Variants in GMDS observed in about 807,000 individuals in gnomAD.
GMDS encodes GDP-mannose 4,6-dehydratase, also known as GDP-mannose 4,6 dehydratase.
GMDS carries 20 observed loss-of-function variants against 49.9 expected under a neutral mutation model. The observed-to-expected ratio is 0.40, with a 90% confidence interval of 0.28 to 0.58. The LOEUF (loss-of-function observed/expected upper bound fraction) is 0.58, where lower values mean the gene tolerates loss of function less well. Among genes scored for constraint, GMDS ranks in the 20% least tolerant of loss-of-function variants. The pLI is 0.42. For synonymous variants in GMDS, 177 were observed against 178.6 expected, an observed-to-expected ratio of 0.99 and a Z score of 0.07; for missense variants, 362 against 481.4, an observed-to-expected ratio of 0.75 and a Z score of 2.32.
chr6:2,117,614 T>G, intron 2 of GMDS, 58 bp from the exon 3 acceptor site: 1 of 848,986 alleles, frequency 1.2e-6, no homozygotes, highest in South Asian at 1.4e-5. Flanking sequence ...AACAACTTCT[T>G]TAGCTAATGT....
chr6:1,825,821 G>A (rs1278001170), intron 7 of GMDS, among the ~76,000 whole-genome samples: 4 of 152,060 alleles, frequency 2.6e-5, no homozygotes, highest in South Asian at 2.1e-4. Flanking sequence ...CAGACCAGCC[G>A]CCTGGCAGAC....
chr6:1,659,942 G>C (rs1195318494), intron 9 of GMDS, among the ~76,000 whole-genome samples: 1 of 151,388 alleles, frequency 6.6e-6, no homozygotes, highest in Admixed American at 6.6e-5. Flanking sequence ...CCAGAAAAAG[G>C]AAGTCCTTTT....
chr6:2,165,288 C>G (rs1430163015), intron 1 of GMDS, among the ~76,000 whole-genome samples: 1 of 152,202 alleles, frequency 6.6e-6, no homozygotes, highest in Non-Finnish European at 1.5e-5. Context: ...GATCTGCAGT[C>G]CACACGCTGA....
chr6:2,049,729 C>CA (rs1770263288), intron 4 of GMDS, among the ~76,000 whole-genome samples: 1 of 152,146 alleles, frequency 6.6e-6, no homozygotes, highest in African/African-American at 2.4e-5. Context: ...AGCGATGCCT[C>CA]AAAACCGCAC....
intron 7 of GMDS, among the ~76,000 whole-genome samples, chr6:1,827,078 ATGTGTGTGTGTG>A (rs111813765): frequency 0.018 from 2,215 of 125,260 alleles, 36 homozygotes; most frequent in African/African-American, 0.054. Flanking sequence ...AAAAATATAT[ATGTGTGTGTGTG>A]TGTGTGTGTG....
intron 7 of GMDS, among the ~76,000 whole-genome samples, chr6:1,827,551 A>G (rs188958356): frequency 2.0e-5 from 3 of 152,208 alleles, no homozygotes; most frequent in African/African-American, 2.4e-5. Context: ...AACGTTTTAC[A>G]TAAGCTTTAG....
intron 7 of GMDS, among the ~76,000 whole-genome samples, chr6:1,847,562 T>C (rs921278391): frequency 1.3e-5 from 2 of 152,164 alleles, no homozygotes; most frequent in African/African-American, 4.8e-5. Context: ...TGCTTACTAA[T>C]CTCTCCACAC....
intron 7 of GMDS, among the ~76,000 whole-genome samples, chr6:1,918,433 C>T (rs772015078): frequency 6.6e-6 from 1 of 152,106 alleles, no homozygotes; most frequent in Non-Finnish European, 1.5e-5. Context: ...TTTCTATCTG[C>T]TCAGATATTC....
intron 4 of GMDS, among the ~76,000 whole-genome samples, chr6:2,000,009 T>TA (rs1491273695): frequency 0.012 from 74 of 5,994 alleles, 3 homozygotes; most frequent in Non-Finnish European, 0.022. Flanking sequence ...TATATATATA[T>TA]TTTTTATATA....
At chr6:1,948,573 C>T (rs1763194716) in intron 6 of GMDS, among the ~76,000 whole-genome samples, 1 of 152,096 alleles carries the variant, frequency 6.6e-6, no homozygotes, top group African/African-American at 2.4e-5. Flanking sequence ...AGGAGGATCT[C>T]TCGAGCCCAG....
At chr6:2,205,271 C>T (rs1374144233) in intron 1 of GMDS, among the ~76,000 whole-genome samples, 1 of 152,164 alleles carries the variant, frequency 6.6e-6, no homozygotes, top group Non-Finnish European at 1.5e-5. Context: ...CTTTTAAATG[C>T]TACTATTCCC....
chr6:1,728,432 AG>A (rs1283590319), intron 8 of GMDS, among the ~76,000 whole-genome samples: 1 of 152,194 alleles, frequency 6.6e-6, no homozygotes, highest in African/African-American at 2.4e-5. Context: ...ACCAAGTCAA[AG>A]GGTTAACAGA....
At chr6:1,740,418 G>A (rs571236759) in intron 8 of GMDS, among the ~76,000 whole-genome samples, 6 of 152,010 alleles carry the variant, frequency 3.9e-5, no homozygotes, top group African/African-American at 1.4e-4. Context: ...TTAGATGGGC[G>A]TGGTGGTCCA....
chr6:1,956,492 T>C (rs1327148035), intron 6 of GMDS, among the ~76,000 whole-genome samples: 2 of 152,156 alleles, frequency 1.3e-5, no homozygotes, highest in African/African-American at 4.8e-5. Context: ...CTTTGACAAT[T>C]ACACTTTGTT....
At chr6:2,220,852 ATAATGG>A (rs1041974159) in intron 1 of GMDS, among the ~76,000 whole-genome samples, 2 of 152,110 alleles carry the variant, frequency 1.3e-5, no homozygotes, top group African/African-American at 2.4e-5. Flanking sequence ...TCCCTGTTTG[ATAATGG>A]TAATAAAGCT....
intron 7 of GMDS, among the ~76,000 whole-genome samples, chr6:1,829,984 C>G (rs1350680493): frequency 1.3e-5 from 2 of 152,180 alleles, no homozygotes; most frequent in Non-Finnish European, 2.9e-5. Flanking sequence ...TTTGAGTTAT[C>G]TTACATAGAG....
intron 7 of GMDS, among the ~76,000 whole-genome samples, chr6:1,751,342 G>C (rs1436190804): frequency 6.6e-6 from 1 of 152,176 alleles, no homozygotes; most frequent in Non-Finnish European, 1.5e-5. Flanking sequence ...GCATCTGATG[G>C]GTGCCCCTCT....
rs557395672 is a variant in GMDS, at chr6:1,830,672, T to C, written c.772-88086A>G. On this transcript the variant is annotated intron_variant, in intron 7 of 10. Coordinates refer to ENST00000380815, the MANE Select transcript of GMDS (RefSeq NM_001500.4). ...ATGATGTAGTTGCTTTTGCCTAGAA[T>C]GTAAGCGAATGATAAACTATATCTG... 6.6e-5 allele frequency among the ~76,000 whole-genome samples: 10 copies of C among 152,284 alleles called. No homozygotes were observed. In the South Asian group the frequency reaches 2.1e-3, roughly 32 times the overall value.
chr6:2,190,905 C>T (rs998259888), intron 1 of GMDS, among the ~76,000 whole-genome samples: 13 of 152,102 alleles, frequency 8.5e-5, no homozygotes, highest in African/African-American at 3.1e-4. Context: ...TGCCCCCACC[C>T]TCATGTGGCC....
Sources: gnomAD v4.1 joint callset for allele counts (sites outside exome capture counted in the v4.1 genomes callset) on GRCh38, gnomAD v4.1.1 for gene constraint, MANE v1.5 for transcripts, NCBI Gene and HGNC (gene_info 2026-07-23, HGNC 2026-07-21) for gene names.